The following PHKB variants were observed in gnomAD, a reference collection of about 807,000 sequenced individuals.
PHKB encodes the protein phosphorylase b kinase regulatory subunit beta.
A neutral mutation model predicts 152.1 loss-of-function variants in PHKB; 122 were observed. The ratio of observed to expected loss-of-function variants is 0.80; its 90% CI spans 0.69 to 0.93. The LOEUF is 0.93. Among genes scored for constraint, PHKB ranks in the 40% least tolerant of loss-of-function variants. The pLI is 0.00. For missense variants in PHKB, 1,304 were observed against 1,328.4 expected (o/e 0.98, Z 0.29); for synonymous variants, 436 against 464.9 (o/e 0.94, Z 0.80).
intron 1 of PHKB, among the ~76,000 whole-genome samples, chr16:47,488,011 A>G (rs1482961574): frequency 6.6e-6 from 1 of 152,192 alleles, no homozygotes; most frequent in Non-Finnish European, 1.5e-5. Context: ...ACATCTCTGA[A>G]CTGTTTTCGA....
At chr16:47,600,764 C>T (rs529667628) in intron 13 of PHKB, among the ~76,000 whole-genome samples, 3 of 152,124 alleles carry the variant, frequency 2.0e-5, no homozygotes, top group African/African-American at 7.2e-5. Flanking sequence ...AATGTTTATA[C>T]GTGAAGATGT....
intron 1 of PHKB, among the ~76,000 whole-genome samples, chr16:47,473,228 T>TTTTTTTTTG (rs1969809270): frequency 8.9e-6 from 1 of 112,038 alleles, no homozygotes; most frequent in Non-Finnish European, 1.9e-5. Flanking sequence ...ATTTTTTTTT[T>TTTTTTTTTG]TTTTTTTTTT....
At chr16:47,540,804 T>A (rs1179298540) in intron 6 of PHKB, among the ~76,000 whole-genome samples, 1 of 150,224 alleles carries the variant, frequency 6.7e-6, no homozygotes, top group African/African-American at 2.4e-5. Context: ...CTTTAGTATC[T>A]AATCTAAATG....
At chr16:47,479,096 T>A (rs1048256241) in intron 1 of PHKB, among the ~76,000 whole-genome samples, 1 of 152,160 alleles carries the variant, frequency 6.6e-6, no homozygotes, top group African/African-American at 2.4e-5. Flanking sequence ...TTCAAAATAT[T>A]ATGGCACTCA....
intron 13 of PHKB, among the ~76,000 whole-genome samples, chr16:47,604,157 T>C (rs1045541916): frequency 2.0e-5 from 3 of 152,252 alleles, no homozygotes; most frequent in African/African-American, 7.2e-5. Context: ...GTGAATTGTC[T>C]AGTAATTTTT....
At chr16:47,499,478 C>T (rs929884152) in intron 2 of PHKB, among the ~76,000 whole-genome samples, 1 of 152,212 alleles carries the variant, frequency 6.6e-6, no homozygotes, top group African/African-American at 2.4e-5. Flanking sequence ...AGATTTCTAA[C>T]ACACATTGAC....
intron 6 of PHKB, among the ~76,000 whole-genome samples, chr16:47,515,808 G>A (rs1465188307): frequency 6.6e-6 from 1 of 152,060 alleles, no homozygotes; most frequent in Non-Finnish European, 1.5e-5. Context: ...TGTGTAACAG[G>A]TTGTAAAACT....
intron 1 of PHKB, among the ~76,000 whole-genome samples, chr16:47,495,864 G>A (rs1567279088): frequency 1.3e-5 from 2 of 152,268 alleles, no homozygotes; most frequent in East Asian, 1.9e-4. Context: ...TCCTGTTGGT[G>A]CCATTGTGAA....
intron 6 of PHKB, among the ~76,000 whole-genome samples, chr16:47,545,348 A>G (rs1004219809): frequency 4.6e-5 from 7 of 152,120 alleles, no homozygotes; most frequent in African/African-American, 1.7e-4. Context: ...TCCTTCACTT[A>G]TGAAGCTTAG....
At chr16:47,580,519 A>T (rs1971824927) in intron 8 of PHKB, among the ~76,000 whole-genome samples, 161 bp downstream of exon 8, 1 of 151,520 alleles carries the variant, frequency 6.6e-6, no homozygotes, top group East Asian at 1.9e-4. Context: ...TGCCAGTTAA[A>T]TTTTAGTTTT....
At chr16:47,630,744 A>C (rs1200775370) in intron 14 of PHKB, among the ~76,000 whole-genome samples, 1 of 152,220 alleles carries the variant, frequency 6.6e-6, no homozygotes, top group Non-Finnish European at 1.5e-5. Context: ...GATGAAATTA[A>C]AATTTAAATC....
intron 16 of PHKB, among the ~76,000 whole-genome samples, chr16:47,647,157 C>G (rs1973145136): frequency 6.6e-6 from 1 of 151,956 alleles, no homozygotes; most frequent in Admixed American, 6.6e-5. Flanking sequence ...TAGTTTCTCT[C>G]TTGTCGCCCA....
intron 1 of PHKB, among the ~76,000 whole-genome samples, chr16:47,496,613 T>G (rs1775985816): frequency 6.6e-6 from 1 of 152,252 alleles, no homozygotes; most frequent in African/African-American, 2.4e-5. Flanking sequence ...TGATTGCTTT[T>G]AACAAGAACG....
intron 6 of PHKB, among the ~76,000 whole-genome samples, chr16:47,540,848 T>TA (rs1971044285): frequency 8.1e-6 from 1 of 123,736 alleles, no homozygotes; most frequent in African/African-American, 3.1e-5. Flanking sequence ...TTTTTGGAGA[T>TA]AGAGTTTCAC....
chr16:47,474,833 T>C (rs1969840872), intron 1 of PHKB, among the ~76,000 whole-genome samples: 1 of 152,104 alleles, frequency 6.6e-6, no homozygotes, highest in South Asian at 2.1e-4. Context: ...CAAGCGATTC[T>C]CCTGCCTCAG....
chr16:47,519,884 T>C (rs531548733), intron 6 of PHKB, among the ~76,000 whole-genome samples: 3 of 152,198 alleles, frequency 2.0e-5, no homozygotes, highest in Non-Finnish European at 4.4e-5. Flanking sequence ...ATTTTAAAGA[T>C]AGGTATTTTA....
chr16:47,653,498 G>A (rs1417753724), intron 20 of PHKB, among the ~76,000 whole-genome samples: 2 of 152,122 alleles, frequency 1.3e-5, no homozygotes, highest in African/African-American at 4.8e-5. Flanking sequence ...GCTCTTTCCT[G>A]TTCTCTTTGT....
At chr16:47,673,668 C>T (rs1288587369) in intron 26 of PHKB, among the ~76,000 whole-genome samples, 2 of 152,152 alleles carry the variant, frequency 1.3e-5, no homozygotes, top group African/African-American at 4.8e-5. Context: ...GTTTAAATAA[C>T]GTGATCATTG....
Position 47,592,949 on chromosome 16 carries a change from T to C in PHKB, c.1069-551T>C, listed in dbSNP as rs1972053715. Among the ~76,000 whole-genome samples, 5 of 152,200 alleles carry C rather than the reference T, an allele frequency of 3.3e-5. No homozygotes were observed. In the South Asian group the frequency reaches 1.0e-3, roughly 32 times the overall value. On this transcript the variant is annotated intron_variant, in intron 10 of 30. Coordinates refer to ENST00000323584, the MANE Select transcript of PHKB (RefSeq NM_000293.3). Reference sequence around the variant, plus strand: ...TCGCCTAACTATAGTTCTTCTAATGTAATTGTTAGTGGCTGGCCACAGTGG... The same window carrying C: ...TCGCCTAACTATAGTTCTTCTAATGCAATTGTTAGTGGCTGGCCACAGTGG...
Sources: allele counts gnomAD v4.1 joint callset (sites outside exome capture counted in the v4.1 genomes callset), GRCh38; gene constraint gnomAD v4.1.1; transcripts MANE v1.5; gene names NCBI Gene and HGNC (gene_info 2026-07-23, HGNC 2026-07-21).